Variants in TIMP3 observed in about 807,000 individuals in gnomAD.
TIMP3 encodes metalloproteinase inhibitor 3.
TIMP3 carries 11 observed loss-of-function variants against 30.0 expected under a neutral mutation model. The ratio of observed to expected loss-of-function variants is 0.37; its 90% CI spans 0.23 to 0.61. The LOEUF (loss-of-function observed/expected upper bound fraction) is 0.61. TIMP3 is among the 20% of genes least tolerant of loss of function. The probability of loss-of-function intolerance (pLI) is 0.70; values close to 1 mark genes in which losing one functional copy is unlikely to be tolerated. For missense variants in TIMP3, 181 were observed against 276.8 expected (o/e 0.65, Z 2.45); for synonymous variants, 112 against 111.3 (o/e 1.01, Z -0.04).
intron 2 of TIMP3, 108 bp from the exon 3 acceptor site, chr22:32,857,141 C>CT (rs1489805683): frequency 1.2e-6 from 1 of 839,340 alleles, no homozygotes; most frequent in East Asian, 2.5e-5. Context: ...ACCCCTCTTC[C>CT]ATATTCCGAT....
At chr22:32,818,637 C>T (rs1420705487) in intron 1 of TIMP3, among the ~76,000 whole-genome samples, 2 of 152,206 alleles carry the variant, frequency 1.3e-5, no homozygotes, top group Non-Finnish European at 2.9e-5. Context: ...GCTCCCAGGG[C>T]TGGGTGTTTG....
chr22:32,850,846 T>C (rs1402398371), intron 2 of TIMP3, among the ~76,000 whole-genome samples: 1 of 152,082 alleles, frequency 6.6e-6, no homozygotes, highest in East Asian at 1.9e-4. Flanking sequence ...AATGTCCAGG[T>C]AGAAGGGAGT....
chr22:32,862,340 T>C lies in TIMP3; in HGVS notation c.*2963T>C, dbSNP rs909225311. On this transcript the variant is annotated 3_prime_UTR_variant, in exon 5 of 5. Coordinates refer to ENST00000266085, the MANE Select transcript of TIMP3 (RefSeq NM_000362.5). Reference sequence around the variant, plus strand: ...GCTCTCGGGCCAGTGCTCTGCTCTGTCCAGGGTAGGTAATACTGGGAGACT... The same window carrying C: ...GCTCTCGGGCCAGTGCTCTGCTCTGCCCAGGGTAGGTAATACTGGGAGACT... 1 of 152,254 alleles carries C rather than the reference T, an allele frequency of 6.6e-6. No individual in the cohort carries two copies. The highest frequency in any genetic ancestry group is 1.5e-5 in the Non-Finnish European group (1 of 68,066). The allele number at this position is 152,254 out of a possible 1,614,324, so 9.4% of individuals were successfully genotyped here.
intron 2 of TIMP3, among the ~76,000 whole-genome samples, chr22:32,855,538 G>A (rs1363483054): frequency 6.6e-6 from 1 of 152,114 alleles, no homozygotes; most frequent in Non-Finnish European, 1.5e-5. Flanking sequence ...AAGCTACTTA[G>A]CCTGCCTGTG....
chr22:32,856,308 T>C (rs936890350), intron 2 of TIMP3, among the ~76,000 whole-genome samples: 2 of 151,938 alleles, frequency 1.3e-5, no homozygotes, highest in African/African-American at 4.8e-5. Context: ...TGTGGGGCAG[T>C]TGGAATGGGG....
At chr22:32,834,090 G>T (rs1380292889) in intron 1 of TIMP3, among the ~76,000 whole-genome samples, 5 of 151,792 alleles carry the variant, frequency 3.3e-5, no homozygotes, top group African/African-American at 1.2e-4. Flanking sequence ...AATTTGTTCT[G>T]TTATTCCAGC....
chr22:32,807,355 A>AATTTATAAATATATATT (rs1555968075), intron 1 of TIMP3, among the ~76,000 whole-genome samples: 1 of 19,912 alleles, frequency 5.0e-5, no homozygotes, highest in Non-Finnish European at 9.6e-5. Context: ...ATAAATATAT[A>AATTTATAAATATATATT]ATATATAATA....
chr22:32,862,916 T>A lies in TIMP3; in HGVS notation c.*3539T>A, dbSNP rs1030761651. On this transcript the variant is annotated 3_prime_UTR_variant, in exon 5 of 5. Transcript: ENST00000266085. The stretch of plus-strand genomic sequence containing the variant: ...TAAATTTCGTAGCACTGTTTACAGT[T>A]TTCCTCCATGTTATTTATGAATTTT... 6.5e-6 allele frequency: 1 copy of A among 152,678 alleles called. No individual in the cohort carries two copies. The highest frequency in any genetic ancestry group is 2.4e-5 in the African/African-American group (1 of 41,468). The allele number at this position is 152,678 out of a possible 1,614,324, so 9.5% of individuals were successfully genotyped here. A position where few individuals can be genotyped will look rare whatever the true frequency, so the allele number is the denominator to read the frequency against.
chr22:32,842,230 GTTT>G lies in TIMP3; in HGVS notation c.122-7220_122-7218del, dbSNP rs555125623. ...CCAGTACGCCGTGATCACTTCTCCAGTTTTCTTGATCTGTCCTTTCAGCTTCTG... is the reference window on the plus strand; with the variant it reads ...CCAGTACGCCGTGATCACTTCTCCAGTCTTGATCTGTCCTTTCAGCTTCTG... On this transcript the variant is annotated intron_variant, in intron 1 of 4. Coordinates refer to ENST00000266085, the MANE Select transcript of TIMP3 (RefSeq NM_000362.5). 3.4e-3 allele frequency among the ~76,000 whole-genome samples: 520 copies of G among 152,282 alleles called. 14 individuals carry two copies. Among genetic ancestry groups the G allele is most frequent in the Admixed American group, 0.032 (485 of 15,292 alleles).
chr22:32,836,714 G>GGGTGGTTTGGAAGGTCCC (rs1174643551), intron 1 of TIMP3, among the ~76,000 whole-genome samples: 2 of 152,310 alleles, frequency 1.3e-5, no homozygotes, highest in Non-Finnish European at 2.9e-5. Context: ...GACACCCGCT[G>GGGTGGTTTGGAAGGTCCC]CAGCAGGTGG....
chr22:32,831,514 G>C (rs183374573), intron 1 of TIMP3, among the ~76,000 whole-genome samples: 50 of 152,252 alleles, frequency 3.3e-4, no homozygotes, highest in Non-Finnish European at 5.9e-4. Flanking sequence ...GTCGGAGTTG[G>C]GGGGCAGTAA....
chr22:32,833,844 A>G (rs242076), intron 1 of TIMP3: 293,059 of 501,066 alleles, frequency 0.58, 86,646 homozygotes, highest in Admixed American at 0.7. Context: ...AGCATTTAGC[A>G]CTGATCATGC....
chr22:32,833,170 C>T (rs1002209020), intron 1 of TIMP3, among the ~76,000 whole-genome samples: 10 of 152,102 alleles, frequency 6.6e-5, no homozygotes, highest in Admixed American at 5.2e-4. Flanking sequence ...TGATCGGTGG[C>T]TCCTGGGAAA....
At chr22:32,834,328 T>TTA (rs757844704) in intron 1 of TIMP3, among the ~76,000 whole-genome samples, 5 of 151,606 alleles carry the variant, frequency 3.3e-5, no homozygotes, top group South Asian at 2.1e-4. Flanking sequence ...AATTTATTTT[T>TTA]TTTTTTGTAT....
intron 1 of TIMP3, among the ~76,000 whole-genome samples, chr22:32,834,715 G>T (rs2047679549): frequency 6.6e-6 from 1 of 152,210 alleles, no homozygotes; most frequent in Non-Finnish European, 1.5e-5. Context: ...AGCTGGCCCT[G>T]TGCTTTGCAG....
At chr22:32,814,351 G>GAAAGGA (rs1555970165) in intron 1 of TIMP3, among the ~76,000 whole-genome samples, 10 of 14,570 alleles carry the variant, frequency 6.9e-4, no homozygotes, top group South Asian at 2.4e-3. Flanking sequence ...GAAAGAAAGA[G>GAAAGGA]AGAAAGAAAG....
rs749890843 is a variant in TIMP3 at position 32,859,336 on chromosome 22, G to GC, written c.602dup (p.Asp202GlyfsTer2). 8 of 1,613,052 alleles carry GC rather than the reference G, an allele frequency of 5.0e-6. No homozygotes were observed. Among genetic ancestry groups the GC allele is most frequent in the Non-Finnish European group, 5.1e-6 (6 of 1,179,960 alleles). ...CTACTGCAGCTGGTACCGAGGATGGGCCCCCCCGGATAAAAGCATCATCAA... is the reference window on the plus strand; with the variant it reads ...CTACTGCAGCTGGTACCGAGGATGGGCCCCCCCCGGATAAAAGCATCATCAA... On this transcript the variant is annotated frameshift_variant, in exon 5 of 5. Transcript: ENST00000266085. LOFTEE classifies it high-confidence loss of function.
chr22:32,813,370 G>A (rs901445397), intron 1 of TIMP3, among the ~76,000 whole-genome samples: 9 of 152,152 alleles, frequency 5.9e-5, no homozygotes, highest in Middle Eastern at 3.4e-3. Context: ...CCTTCTGGAG[G>A]GGACAGCTGC....
intron 1 of TIMP3, among the ~76,000 whole-genome samples, chr22:32,808,517 G>C (rs2046826506): frequency 1.3e-5 from 2 of 152,336 alleles, no homozygotes; most frequent in Non-Finnish European, 2.9e-5. Flanking sequence ...AAGCTCTTCA[G>C]TGGACTCTTA....
Sources: allele counts gnomAD v4.1 joint callset (sites outside exome capture counted in the v4.1 genomes callset), GRCh38; gene constraint gnomAD v4.1.1; transcripts MANE v1.5; gene names NCBI Gene and HGNC (gene_info 2026-07-23, HGNC 2026-07-21).